TBC1D12: variants seen among roughly 807,000 people sequenced by gnomAD.
The protein encoded by TBC1D12 is TBC1 domain family member 12, also known as TBC1 domain family, member 12.
A neutral mutation model predicts 86.7 loss-of-function variants in TBC1D12; 56 were observed. That is an observed-to-expected ratio of 0.65 (90% CI 0.52 to 0.81). The LOEUF is 0.81. TBC1D12 is among the 30% of genes least tolerant of loss of function. TBC1D12 has a pLI of 0.00. For synonymous variants in TBC1D12, 421 were observed against 411.7 expected, an observed-to-expected ratio of 1.02 and a Z score of -0.27; for missense variants, 1,023 against 1,038.8, an observed-to-expected ratio of 0.98 and a Z score of 0.21.
intron 2 of TBC1D12, among the ~76,000 whole-genome samples, chr10:94,456,545 TTC>T (rs2055629218): frequency 2.0e-5 from 3 of 152,226 alleles, no homozygotes; most frequent in African/African-American, 7.2e-5. Context: ...ATTTTATGAT[TTC>T]TGTTATTTTA....
chr10:94,447,268 GT>G (rs1012498112), intron 2 of TBC1D12, among the ~76,000 whole-genome samples: 2 of 151,348 alleles, frequency 1.3e-5, no homozygotes, highest in Non-Finnish European at 2.9e-5. Context: ...GGAATTATAT[GT>G]TTTTTTCTAT....
At chr10:94,455,728 G>A (rs1047787204) in intron 2 of TBC1D12, among the ~76,000 whole-genome samples, 2 of 152,160 alleles carry the variant, frequency 1.3e-5, no homozygotes, top group Non-Finnish European at 2.9e-5. Flanking sequence ...TTGGGAGTTC[G>A]AGACCAGCCT....
intron 1 of TBC1D12, among the ~76,000 whole-genome samples, chr10:94,419,040 AT>A (rs974168665): frequency 6.6e-6 from 1 of 151,594 alleles, no homozygotes; most frequent in African/African-American, 2.4e-5. Flanking sequence ...ACGCCCAGCT[AT>A]TTTTTGTATT....
At chr10:94,520,630 G>T (rs1340306868) in intron 9 of TBC1D12, among the ~76,000 whole-genome samples, 1 of 152,186 alleles carries the variant, frequency 6.6e-6, no homozygotes, top group Non-Finnish European at 1.5e-5. Context: ...AAAACACTTG[G>T]CTGGGAACAA....
chr10:94,404,863 A>G (rs929410842), intron 1 of TBC1D12, among the ~76,000 whole-genome samples: 1 of 151,918 alleles, frequency 6.6e-6, no homozygotes, highest in Non-Finnish European at 1.5e-5. Context: ...CCTGGCCAAC[A>G]TGGTGAAACC....
chr10:94,484,263 T>G (rs2056125581), intron 3 of TBC1D12, among the ~76,000 whole-genome samples: 1 of 92,996 alleles, frequency 1.1e-5, no homozygotes, highest in East Asian at 3.6e-4. Context: ...TTTTTTTTTT[T>G]GAGGTGGAGT....
At chr10:94,412,017 G>A (rs1356973792) in intron 1 of TBC1D12, among the ~76,000 whole-genome samples, 1 of 152,148 alleles carries the variant, frequency 6.6e-6, no homozygotes, top group Admixed American at 6.5e-5. Flanking sequence ...TTAGTGAATT[G>A]CTTAATCCTA....
At chr10:94,486,573 G>T (rs1164895187) in intron 3 of TBC1D12, among the ~76,000 whole-genome samples, 2 of 151,960 alleles carry the variant, frequency 1.3e-5, no homozygotes, top group Non-Finnish European at 2.9e-5. Flanking sequence ...GGTCATTCAG[G>T]AGGATATTGT....
intron 2 of TBC1D12, among the ~76,000 whole-genome samples, chr10:94,465,597 G>A (rs2055794013): frequency 6.6e-6 from 1 of 150,486 alleles, no homozygotes; most frequent in South Asian, 2.1e-4. Flanking sequence ...AGTGAGCCAA[G>A]ATCATGCCAC....
intron 1 of TBC1D12, 66 bp downstream of exon 1, chr10:94,403,650 G>GGGAGCC (rs1554931131): frequency 2.8e-5 from 36 of 1,298,268 alleles, no homozygotes; most frequent in Middle Eastern, 2.8e-4. Context: ...GGGTCTTGGT[G>GGGAGCC]GGAGTCGGAG....
chr10:94,522,243 A>T, intron 10 of TBC1D12, 101 bp from the exon 11 acceptor site: 1 of 1,140,468 alleles, frequency 8.8e-7, no homozygotes, highest in Non-Finnish European at 1.2e-6. Context: ...GAAAAAGATG[A>T]GATTCTTAAT....
intron 2 of TBC1D12, among the ~76,000 whole-genome samples, chr10:94,466,138 G>C (rs1399199665): frequency 6.7e-6 from 1 of 148,708 alleles, no homozygotes; most frequent in Admixed American, 6.6e-5. Context: ...TCTTAGTTTT[G>C]TAAGAACCTT....
chr10:94,498,228 A>T lies in TBC1D12; in HGVS notation c.1412+1056A>T, dbSNP rs1057370886. ...ATTAAATATATAAATGTATTAGAAG[A>T]TGCACTTATTGTTAAAATGATTTTT... On this transcript the variant is annotated intron_variant, in intron 5 of 12. Transcript: ENST00000225235. Among the ~76,000 whole-genome samples, 7 of 152,196 alleles carry T rather than the reference A, an allele frequency of 4.6e-5. No individual in the cohort carries two copies. In the South Asian group the frequency reaches 1.2e-3, roughly 27 times the overall value.
chr10:94,481,121 T>A (rs11187975), intron 3 of TBC1D12, among the ~76,000 whole-genome samples: 1 of 150,370 alleles, frequency 6.7e-6, no homozygotes, highest in Non-Finnish European at 1.5e-5. Flanking sequence ...GCTGTAAACA[T>A]GTCCTGTCAT....
chr10:94,427,833 C>CAA (rs71031576), intron 1 of TBC1D12, among the ~76,000 whole-genome samples: 5,238 of 66,210 alleles, frequency 0.079, 121 homozygotes, highest in Non-Finnish European at 0.088. Context: ...CCCTGTCTCA[C>CAA]AAAAAAAAAA....
chr10:94,455,654 G>A (rs1300679599), intron 2 of TBC1D12, among the ~76,000 whole-genome samples: 1 of 152,218 alleles, frequency 6.6e-6, no homozygotes, highest in Non-Finnish European at 1.5e-5. Flanking sequence ...AATAAGCCAG[G>A]TGTGGTGGCT....
At chr10:94,407,054 TA>T (rs35370498) in intron 1 of TBC1D12, among the ~76,000 whole-genome samples, 21,245 of 148,936 alleles carry the variant, frequency 0.14, 1,701 homozygotes, top group Middle Eastern at 0.25. Flanking sequence ...CGAGAAACCT[TA>T]AAAAAAAAAC....
intron 5 of TBC1D12, among the ~76,000 whole-genome samples, chr10:94,499,131 T>A (rs2056361994): frequency 6.6e-6 from 1 of 152,216 alleles, no homozygotes; most frequent in Non-Finnish European, 1.5e-5. Flanking sequence ...AATTAACACA[T>A]CCATCAGCTC....
chr10:94,447,360 T>G (rs1040683776), intron 2 of TBC1D12, among the ~76,000 whole-genome samples: 2 of 152,188 alleles, frequency 1.3e-5, no homozygotes, highest in African/African-American at 4.8e-5. Context: ...ACAATTTAAC[T>G]TTACATGTTT....
Sources: gnomAD v4.1 joint callset for allele counts (sites outside exome capture counted in the v4.1 genomes callset) on GRCh38, gnomAD v4.1.1 for gene constraint, MANE v1.5 for transcripts, NCBI Gene and HGNC (gene_info 2026-07-23, HGNC 2026-07-21) for gene names.